The following ZNF667 variants were observed in gnomAD, a reference collection of about 807,000 sequenced individuals.
ZNF667 encodes myocardial ischemic preconditioning upregulated 1 ortholog.
Under a neutral mutation model 31.8 loss-of-function variants are expected in ZNF667, and 13 were observed. The observed-to-expected ratio is 0.41, with a 90% CI of 0.27 to 0.65. The LOEUF (loss-of-function observed/expected upper bound fraction) is 0.65. Among genes scored for constraint, ZNF667 ranks in the 30% least tolerant of loss-of-function variants. The pLI, the probability that ZNF667 is intolerant of heterozygous loss-of-function variation, is 0.32. For missense variants in ZNF667, 642 were observed against 725.6 expected, an observed-to-expected ratio of 0.88 and a Z score of 1.32; for synonymous variants, 228 against 247.1, an observed-to-expected ratio of 0.92 and a Z score of 0.73.
chr19:56,470,334 T>C (rs1395689089), intron 3 of ZNF667, among the ~76,000 whole-genome samples: 1 of 152,280 alleles, frequency 6.6e-6, no homozygotes, highest in Non-Finnish European at 1.5e-5. Flanking sequence ...GTGCTGAATG[T>C]GCTCCATGCC....
At chr19:56,460,926 C>T in intron 4 of ZNF667, 111 bp from the exon 5 acceptor site, 5 of 1,182,038 alleles carry the variant, frequency 4.2e-6, no homozygotes, top group Non-Finnish European at 5.6e-6. Context: ...AAGAATCATT[C>T]AGGAAGCATT....
intron 3 of ZNF667, among the ~76,000 whole-genome samples, chr19:56,463,110 G>C (rs540024199): frequency 6.6e-6 from 1 of 152,144 alleles, no homozygotes; most frequent in Non-Finnish European, 1.5e-5. Context: ...GGCAGGGCCG[G>C]ATCATGAAAG....
In ZNF667 at chr19:56,460,670, G is replaced by C; in HGVS notation, c.160+19C>G. ...CCTCAATAGGCTGGTTCTGGATTGT[G>C]GGGGACGAAGAGCCTTACCAAGCGA... On this transcript the variant is annotated intron_variant, in intron 5 of 6. Coordinates refer to ENST00000504904, the MANE Select transcript of ZNF667 (RefSeq NM_001321356.2). 6.2e-7 allele frequency: 1 copy of C among 1,607,086 alleles called. No individual in the cohort carries two copies.
intron 3 of ZNF667, among the ~76,000 whole-genome samples, chr19:56,469,220 TC>T (rs2043232437): frequency 6.6e-6 from 1 of 152,142 alleles, no homozygotes; most frequent in African/African-American, 2.4e-5. Flanking sequence ...CCTGCCTGCC[TC>T]CCTCTTGCAC....
At chr19:56,460,224 T>A (rs2043016166) in intron 5 of ZNF667, among the ~76,000 whole-genome samples, 1 of 152,228 alleles carries the variant, frequency 6.6e-6, no homozygotes, top group Admixed American at 6.5e-5. Flanking sequence ...ATACCATACA[T>A]ATTCTTTGGC....
At chr19:56,459,542 C>T (rs1239064695) in intron 5 of ZNF667, among the ~76,000 whole-genome samples, 2 of 152,160 alleles carry the variant, frequency 1.3e-5, no homozygotes, top group Admixed American at 6.5e-5. Context: ...GTCCCAGATC[C>T]GAGGGGACCT....
intron 6 of ZNF667, among the ~76,000 whole-genome samples, chr19:56,450,940 CA>C (rs2042809155): frequency 6.6e-6 from 1 of 152,018 alleles, no homozygotes; most frequent in Non-Finnish European, 1.5e-5. Context: ...GAAAAGGCCA[CA>C]AAACAACCAA....
At chr19:56,459,854 T>A (rs1031530796) in intron 5 of ZNF667, among the ~76,000 whole-genome samples, 1 of 152,000 alleles carries the variant, frequency 6.6e-6, no homozygotes, top group African/African-American at 2.4e-5. Flanking sequence ...CAGCTGGGTG[T>A]GATGGAGCGT....
intron 6 of ZNF667, among the ~76,000 whole-genome samples, chr19:56,443,466 CTA>C (rs936263687): frequency 3.3e-5 from 5 of 152,110 alleles, no homozygotes; most frequent in African/African-American, 1.2e-4. Context: ...TACTATACAC[CTA>C]TGTTATATTG....
intron 6 of ZNF667, chr19:56,449,538 TG>T: frequency 1.0e-5 from 3 of 292,178 alleles, no homozygotes; most frequent in South Asian, 5.7e-5. Flanking sequence ...AAAAATTAGC[TG>T]GGCATAGTGG....
Position 56,441,240 on chromosome 19 carries a change from A to T in ZNF667, c.1755T>A (p.Cys585Ter). 6.2e-7 allele frequency: 1 copy of T among 1,614,138 alleles called. No individual in the cohort carries two copies. Among genetic ancestry groups the T allele is most frequent in the Non-Finnish European group, 8.5e-7 (1 of 1,179,992 alleles). Residue 585 changes from cysteine to a stop codon, truncating the protein, a stop_gained, in exon 7 of 7, where the codon TGT becomes TGA. Coordinates refer to ENST00000504904, the MANE Select transcript of ZNF667 (RefSeq NM_001321356.2). LOFTEE classifies it high-confidence loss of function. This position sits in a 1 kb window ranked among gnomAD's most constrained non-coding sequence, Gnocchi z 4.2. Reference sequence around the variant, plus strand: ...GACTATATGCCTTCCCACATTTACTACATTCATAGGGTTTCTCTGAAGAAT... The same window carrying T: ...GACTATATGCCTTCCCACATTTACTTCATTCATAGGGTTTCTCTGAAGAAT... ...RSHSSEKPYE[C>*]SKCGKAYSRS...
At position 56,442,629 on chromosome 19, in the gene ZNF667, C is replaced by G. The variant is rs758055988; in HGVS notation, c.366G>C (p.Lys122Asn). 5.9e-5 allele frequency: 96 copies of G among 1,613,786 alleles called. No homozygotes were observed. The highest frequency in any genetic ancestry group is 7.8e-5 in the Non-Finnish European group (92 of 1,179,892). Residue 122 changes from lysine (K) to asparagine (N), a missense_variant, in exon 7 of 7, where the codon AAG (lysine) becomes AAC (asparagine). Coordinates refer to ENST00000504904, the MANE Select transcript of ZNF667 (RefSeq NM_001321356.2). ...GGACTGAATTTTTGTTGCAGCCACTCTTTCGTGTAGGAGCTTTTTGTTGTG... is the reference window on the plus strand; with the variant it reads ...GGACTGAATTTTTGTTGCAGCCACTGTTTCGTGTAGGAGCTTTTTGTTGTG... ...VSAQQKAPTR[K>N]SGCNKNSVLV...
rs754715783 is a variant in ZNF667 at position 56,458,282 on chromosome 19, A to G, written c.161-35T>C. The G allele has an allele frequency of 3.1e-6, 5 of 1,593,410 alleles. No homozygotes were observed. The South Asian group carries it at 5.5e-5, about 18-fold the overall frequency. ...GGACAAACATGGGAAATGATCATAA[A>G]TGTGGGCACCACAGAAGTCAGAGCC... On this transcript the variant is annotated intron_variant, in intron 5 of 6. Transcript: ENST00000504904.
At chr19:56,462,675 A>G (rs1013457328) in intron 3 of ZNF667, among the ~76,000 whole-genome samples, 3 of 152,236 alleles carry the variant, frequency 2.0e-5, no homozygotes, top group Non-Finnish European at 4.4e-5. Context: ...AGGACTGCAC[A>G]GACCTCTGGC....
intron 1 of ZNF667, chr19:56,475,197 C>T (rs1006123365): frequency 2.6e-5 from 4 of 152,176 alleles, no homozygotes; most frequent in African/African-American, 9.7e-5. Context: ...TTATTTTTGT[C>T]TCTCCTACTA....
chr19:56,451,699 T>A (rs2042825708), intron 6 of ZNF667, among the ~76,000 whole-genome samples: 1 of 151,810 alleles, frequency 6.6e-6, no homozygotes, highest in Non-Finnish European at 1.5e-5. Context: ...TGAAATCCCA[T>A]CTTTAAAAAA....
intron 6 of ZNF667, among the ~76,000 whole-genome samples, chr19:56,453,791 CT>C (rs2042881935): frequency 6.6e-6 from 1 of 152,142 alleles, no homozygotes; most frequent in African/African-American, 2.4e-5. Context: ...AGAATGCCCA[CT>C]TTCACAACTA....
intron 3 of ZNF667, among the ~76,000 whole-genome samples, chr19:56,465,834 A>C (rs1186689080): frequency 6.6e-6 from 1 of 152,226 alleles, no homozygotes; most frequent in African/African-American, 2.4e-5. Flanking sequence ...GCGTCTAAGG[A>C]CCTGGCTGGG....
intron 2 of ZNF667, 136 bp downstream of exon 2, chr19:56,473,876 G>A (rs1278829719): frequency 6.6e-6 from 1 of 152,238 alleles, no homozygotes; most frequent in African/African-American, 2.4e-5. Context: ...AGCAGTGACT[G>A]TCCCTGAAGA....
Sources: allele counts gnomAD v4.1 joint callset (sites outside exome capture counted in the v4.1 genomes callset), GRCh38; gene constraint gnomAD v4.1.1; non-coding constraint Gnocchi (gnomAD v3.1); transcripts MANE v1.5; gene names NCBI Gene and HGNC (gene_info 2026-07-23, HGNC 2026-07-21).